The following FSTL5 variants were observed in gnomAD, a reference collection of about 807,000 sequenced individuals.
The protein encoded by FSTL5 is follistatin-related protein 5.
A neutral mutation model predicts 89.1 loss-of-function variants in FSTL5; 62 were observed. The ratio of observed to expected loss-of-function variants is 0.70; its 90% CI spans 0.57 to 0.86. The LOEUF is 0.86. Ranked by LOEUF, FSTL5 falls within the 40% of genes least tolerant of loss-of-function variation. The pLI, the probability that FSTL5 is intolerant of heterozygous loss-of-function variation, is 0.00. For missense variants in FSTL5, 1,057 were observed against 1,001.6 expected, an observed-to-expected ratio of 1.06 and a Z score of -0.75; for synonymous variants, 383 against 346.2, an observed-to-expected ratio of 1.11 and a Z score of -1.18.
chr4:161,569,934 C>T lies in FSTL5; in HGVS notation c.1015+17521G>A, dbSNP rs184515765. 5.1e-4 allele frequency among the ~76,000 whole-genome samples: 77 copies of T among 152,134 alleles called. No individual in the cohort carries two copies. In the Middle Eastern group the frequency reaches 0.01, roughly 20 times the overall value. On this transcript the variant is annotated intron_variant, in intron 8 of 15. Transcript: ENST00000306100. ...CTAACAACAGAAGAACATGAAAAACCTCAGGGAGGGAGGAGAAAGAATGGA... is the reference window on the plus strand; with the variant it reads ...CTAACAACAGAAGAACATGAAAAACTTCAGGGAGGGAGGAGAAAGAATGGA...
At chr4:161,588,138 C>T (rs571467526) in intron 7 of FSTL5, among the ~76,000 whole-genome samples, 1 of 152,226 alleles carries the variant, frequency 6.6e-6, no homozygotes, top group East Asian at 1.9e-4. Context: ...CGTGCCACTG[C>T]ACTCCAGCCT....
intron 6 of FSTL5, among the ~76,000 whole-genome samples, chr4:161,735,698 A>G (rs1186979898): frequency 6.6e-6 from 1 of 152,142 alleles, no homozygotes; most frequent in Non-Finnish European, 1.5e-5. Context: ...AACTTCAGTA[A>G]AAAAATTTGA....
At chr4:161,890,689 A>T (rs921160003) in intron 4 of FSTL5, among the ~76,000 whole-genome samples, 3 of 145,692 alleles carry the variant, frequency 2.1e-5, no homozygotes, top group African/African-American at 8.0e-5. Context: ...CTCTGTCTAA[A>T]AAAAAAAAAA....
At chr4:162,163,458 A>T (rs879256734) in intron 1 of FSTL5, among the ~76,000 whole-genome samples, 157 bp downstream of exon 1, 13,800 of 120,078 alleles carry the variant, frequency 0.11, 918 homozygotes, top group African/African-American at 0.23. Context: ...AATAATAATA[A>T]TAATAATAAT....
intron 3 of FSTL5, among the ~76,000 whole-genome samples, chr4:161,993,371 G>C (rs1220004133): frequency 6.6e-6 from 1 of 151,662 alleles, no homozygotes; most frequent in Non-Finnish European, 1.5e-5. Flanking sequence ...ATATAATAAG[G>C]GCATATAATC....
At chr4:161,492,226 T>G (rs73861551) in intron 12 of FSTL5, among the ~76,000 whole-genome samples, 3,978 of 152,164 alleles carry the variant, frequency 0.026, 173 homozygotes, top group African/African-American at 0.089. Context: ...ATGTTATAAT[T>G]TTCTCTCCCC....
chr4:162,088,620 T>C (rs573422296), intron 2 of FSTL5, among the ~76,000 whole-genome samples: 1 of 152,212 alleles, frequency 6.6e-6, no homozygotes, highest in African/African-American at 2.4e-5. Flanking sequence ...TAACTGTAAG[T>C]TAGCTACTTA....
intron 3 of FSTL5, among the ~76,000 whole-genome samples, chr4:161,946,953 T>C (rs1734752644): frequency 6.6e-6 from 1 of 152,230 alleles, no homozygotes; most frequent in African/African-American, 2.4e-5. Flanking sequence ...TTGTGTTAAT[T>C]TTAATTTTCC....
chr4:161,907,377 T>C lies in FSTL5; in HGVS notation c.409+13027A>G, dbSNP rs1454317044. On this transcript the variant is annotated intron_variant, in intron 4 of 15. Transcript: ENST00000306100. ...CACACACGATTTTATTTTGAAAATA[T>C]GTAAATGTGAAGATATGCAAAAGAC... is the stretch of plus-strand genomic sequence containing the variant. Among the ~76,000 whole-genome samples the C allele has an allele frequency of 2.0e-5, 3 of 152,212 alleles. 1 individual carries two copies. The highest frequency in any genetic ancestry group is 3.9e-4 in the East Asian group (2 of 5,182).
chr4:162,023,534 T>C (rs2111164831), intron 3 of FSTL5, among the ~76,000 whole-genome samples: 1 of 152,262 alleles, frequency 6.6e-6, no homozygotes, highest in African/African-American at 2.4e-5. Flanking sequence ...GAACAAAGTA[T>C]TATCAATCTC....
At chr4:161,933,488 C>T (rs1240542709) in intron 3 of FSTL5, among the ~76,000 whole-genome samples, 3 of 151,684 alleles carry the variant, frequency 2.0e-5, no homozygotes, top group African/African-American at 7.3e-5. Flanking sequence ...ATGAATATTT[C>T]ATAAGTTAAA....
chr4:161,516,024 G>A (rs956983619), intron 10 of FSTL5, among the ~76,000 whole-genome samples: 5 of 150,884 alleles, frequency 3.3e-5, no homozygotes, highest in East Asian at 3.9e-4. Flanking sequence ...ATGCATGTGC[G>A]TGTGTGCATG....
intron 7 of FSTL5, among the ~76,000 whole-genome samples, chr4:161,626,985 T>C (rs915355835): frequency 2.6e-5 from 4 of 151,988 alleles, no homozygotes; most frequent in Admixed American, 2.0e-4. Flanking sequence ...AACAAAGAGG[T>C]TTCCTGAGAT....
At chr4:161,900,214 G>C (rs1227502887) in intron 4 of FSTL5, among the ~76,000 whole-genome samples, 3 of 151,240 alleles carry the variant, frequency 2.0e-5, no homozygotes, top group Non-Finnish European at 4.4e-5. Flanking sequence ...AGAAAAGAAA[G>C]GAAAACCTTA....
At chr4:161,980,829 T>C (rs1019010700) in intron 3 of FSTL5, among the ~76,000 whole-genome samples, 2 of 138,716 alleles carry the variant, frequency 1.4e-5, no homozygotes, top group Non-Finnish European at 3.0e-5. Flanking sequence ...CAGGCTGTAG[T>C]GCAATGGCGC....
chr4:161,677,876 T>G (rs1737360694), intron 6 of FSTL5, among the ~76,000 whole-genome samples: 1 of 151,882 alleles, frequency 6.6e-6, no homozygotes, highest in Non-Finnish European at 1.5e-5. Context: ...ATAATGTGAA[T>G]TAATGCATAT....
intron 12 of FSTL5, among the ~76,000 whole-genome samples, chr4:161,496,114 C>T (rs1730061136): frequency 6.6e-6 from 1 of 152,142 alleles, no homozygotes; most frequent in Non-Finnish European, 1.5e-5. Flanking sequence ...TAGATGTATA[C>T]ATTTTTAAAC....
At chr4:161,693,297 C>T (rs2126721697) in intron 6 of FSTL5, among the ~76,000 whole-genome samples, 1 of 152,228 alleles carries the variant, frequency 6.6e-6, no homozygotes, top group East Asian at 1.9e-4. Flanking sequence ...GCTTTTTTAT[C>T]AGAATAATTC....
intron 7 of FSTL5, among the ~76,000 whole-genome samples, chr4:161,650,484 C>A (rs895142761): frequency 1.3e-5 from 2 of 151,946 alleles, no homozygotes; most frequent in African/African-American, 4.8e-5. Context: ...GTCTAGCAAC[C>A]CTACCTGTAG....
Sources: allele counts gnomAD v4.1 joint callset (sites outside exome capture counted in the v4.1 genomes callset), GRCh38; gene constraint gnomAD v4.1.1; transcripts MANE v1.5; gene names NCBI Gene and HGNC (gene_info 2026-07-23, HGNC 2026-07-21).